The following TRMT2A variants were observed in gnomAD, a reference collection of about 807,000 sequenced individuals.
The protein encoded by TRMT2A is tRNA methyltransferase 2A, also known as tRNA (uracil-5-)-methyltransferase homolog A.
In TRMT2A, 60 loss-of-function variants were observed where a neutral mutation model predicts 59.3. The observed-to-expected ratio is 1.01, with a 90% CI of 0.82 to 1.26. The LOEUF is 1.26. TRMT2A is among the 50% of genes most tolerant of loss of function. The pLI is 0.00. For synonymous variants in TRMT2A, 403 were observed against 353.7 expected (o/e 1.14, Z -1.56); for missense variants, 863 against 845.2 (o/e 1.02, Z -0.26).
rs760901181 is a variant in TRMT2A at position 20,112,553 on chromosome 22, G to C, written c.*10C>G. On this transcript the variant is annotated 3_prime_UTR_variant, in exon 12 of 12. Transcript: ENST00000252136. ...CCCTTCAGCTCCTGTCCCCATAATG[G>C]GTCCTGGGCCTAGGATGAGGGGAAG... 2 of 1,612,224 alleles carry C rather than the reference G, an allele frequency of 1.2e-6. No individual in the cohort carries two copies. The highest frequency in any genetic ancestry group is 1.1e-5 in the South Asian group (1 of 91,044).
intron 7 of TRMT2A, among the ~76,000 whole-genome samples, chr22:20,114,170 C>A (rs577874738): frequency 2.6e-5 from 4 of 152,314 alleles, no homozygotes; most frequent in South Asian, 2.1e-4. Flanking sequence ...CCCACCCCCA[C>A]ACCTAGCCCT....
chr22:20,113,871 A>C, intron 7 of TRMT2A, 63 bp from the exon 8 acceptor site: 1 of 1,455,124 alleles, frequency 6.9e-7, no homozygotes, highest in Non-Finnish European at 9.1e-7. Context: ...TGGTGCCCCG[A>C]CGCCCACATT....
rs1198675728 is a variant in TRMT2A, at chr22:20,114,889, G to A, written c.1006-13C>T. On this transcript the variant is annotated splice_polypyrimidine_tract_variant and intron_variant, in intron 5 of 11. Coordinates refer to ENST00000252136, the MANE Select transcript of TRMT2A (RefSeq NM_022727.6). The stretch of plus-strand genomic sequence containing the variant: ...CAGGGCTCAGCTTCTGGAGTAAGTG[G>A]TGAAAAGTTCCCATCAGGCTGTGCT... The A allele has an allele frequency of 5.7e-6, 9 of 1,579,314 alleles. No homozygotes were observed. Among genetic ancestry groups the A allele is most frequent in the Non-Finnish European group, 7.7e-6 (9 of 1,163,990 alleles).
chr22:20,113,400 T>TCCCCC, intron 9 of TRMT2A, 32 bp downstream of exon 9: 27 of 1,049,422 alleles, frequency 2.6e-5, no homozygotes, highest in Non-Finnish European at 3.7e-5. Context: ...GCTGCCCCCA[T>TCCCCC]CCCCACCCCC....
At position 20,116,115 on chromosome 22, in the gene TRMT2A, A is replaced by AG. The variant is rs771126921; in HGVS notation, c.521dup (p.Leu175SerfsTer8). 6.2e-7 allele frequency: 1 copy of AG among 1,612,256 alleles called. No individual in the cohort carries two copies. Among genetic ancestry groups the AG allele is most frequent in the Admixed American group, 1.7e-5 (1 of 59,970 alleles). On this transcript the variant is annotated frameshift_variant, in exon 2 of 12. Transcript: ENST00000252136. LOFTEE classifies it high-confidence loss of function. ...GCTCAGCATAGGGCACTGTCCATAG[A>AG]GGGGTCACCACGTCGGCCACTCGTG...
chr22:20,116,501 C>T lies in TRMT2A; in HGVS notation c.136G>A (p.Gly46Ser), dbSNP rs771864612. Reference protein sequence around the residue: ...PAALEEVEKEGAGAATGPGPQ... With the variant: ...PAALEEVEKESAGAATGPGPQ... ...CCCGGCCCTGTAGCCGCCCCAGCGC[C>T]CTCTTTCTCCACCTCCTCCAGGGCT... Residue 46 changes from glycine to serine, a missense_variant, in exon 2 of 12, where the codon GGC becomes AGC. Gly to Ser is a moderately conservative substitution (Grantham distance 56, BLOSUM62 0). Coordinates refer to ENST00000252136, the MANE Select transcript of TRMT2A (RefSeq NM_022727.6). 3.7e-6 allele frequency: 6 copies of T among 1,612,648 alleles called. No individual in the cohort carries two copies. The highest frequency in any genetic ancestry group is 5.1e-6 in the Non-Finnish European group (6 of 1,179,948).
chr22:20,113,932 T>G, intron 7 of TRMT2A, 124 bp from the exon 8 acceptor site: 1 of 1,319,460 alleles, frequency 7.6e-7, no homozygotes, highest in Non-Finnish European at 1.0e-6. Flanking sequence ...CCCACCTTGG[T>G]GCCCAACGTC....
At position 20,116,203 on chromosome 22, in the gene TRMT2A, C is replaced by A. The variant is rs775891759; in HGVS notation, c.434G>T (p.Arg145Leu). 4 of 1,613,046 alleles carry A rather than the reference C, an allele frequency of 2.5e-6. No homozygotes were observed. Among genetic ancestry groups the A allele is most frequent in the South Asian group, 1.1e-5 (1 of 91,084 alleles). ...CCTGGCCATGGGGTCGGCCTTGGGCCGGGCCAGGCGCACACTGAGTGGGCG... is the reference window on the plus strand; with the variant it reads ...CCTGGCCATGGGGTCGGCCTTGGGCAGGGCCAGGCGCACACTGAGTGGGCG... ...KGRPLSVRLA[R>L]PKADPMARRR... The change falls in exon 2 of 12, where the codon CGG becomes CTG. Residue 145 changes from arginine to leucine, a missense_variant. Physicochemically the swap from Arg to Leu is moderately radical, Grantham distance 102. Transcript: ENST00000252136.
Position 20,112,330 on chromosome 22 carries a change from C to A in TRMT2A, c.*233G>T, listed in dbSNP as rs1005970721. On this transcript the variant is annotated 3_prime_UTR_variant, in exon 12 of 12. Coordinates refer to ENST00000252136, the MANE Select transcript of TRMT2A (RefSeq NM_022727.6). ...TTGAGCAGTTGTTTATTCTGGCCCT[C>A]ACAGCCTTGGCTAGTCCACAAAGGC... 3.5e-6 allele frequency: 2 copies of A among 575,684 alleles called. No homozygotes were observed. The highest frequency in any genetic ancestry group is 6.1e-6 in the Non-Finnish European group (2 of 326,920). 35.7% of individuals were successfully genotyped at this position (575,684 alleles called of 1,614,324 possible). A position where few individuals can be genotyped will look rare whatever the true frequency, so the allele number is the denominator to read the frequency against.
Position 20,114,993 on chromosome 22 carries a change from G to A in TRMT2A, c.977C>T (p.Ala326Val). ...LTVRTSRRHQ[A>V]MAIAYFHPQK... is the part of the protein sequence containing the mutation. ...GGGGTGGAAGTAGGCAATGGCCATG[G>A]CCTGGTGGCGGCGGCTGGTGCGCAC... is the stretch of plus-strand genomic sequence containing the variant. Residue 326 changes from alanine to valine, a missense_variant, in exon 5 of 12, where the codon GCC (alanine) becomes GTC (valine). Ala to Val is a moderately conservative substitution (Grantham distance 64, BLOSUM62 0). Coordinates refer to ENST00000252136, the MANE Select transcript of TRMT2A (RefSeq NM_022727.6). The A allele has an allele frequency of 6.3e-7, 1 of 1,598,558 alleles. No homozygotes were observed. Among genetic ancestry groups the A allele is most frequent in the Non-Finnish European group, 8.5e-7 (1 of 1,174,288 alleles).
At position 20,114,524 on chromosome 22, in the gene TRMT2A, G is replaced by A. The variant is rs141572185; in HGVS notation, c.1233+50C>T. 3.7e-5 allele frequency: 54 copies of A among 1,469,092 alleles called. No homozygotes were observed. In the East Asian group the frequency reaches 7.2e-4, roughly 20 times the overall value. The allele number at this position is 1,469,092 out of a possible 1,614,324, so 91.0% of individuals were successfully genotyped here. A position where few individuals can be genotyped will look rare whatever the true frequency, so the allele number is the denominator to read the frequency against. On this transcript the variant is annotated intron_variant, in intron 7 of 11. Coordinates refer to ENST00000252136, the MANE Select transcript of TRMT2A (RefSeq NM_022727.6). ...TGTTCCCATCACGTCCTGATGGTGC[G>A]TCAGGCCTCCCTCAACATGTCCCCA... is the stretch of plus-strand genomic sequence containing the variant.
chr22:20,114,510 C>T lies in TRMT2A; in HGVS notation c.1233+64G>A, dbSNP rs147901936. 9,970 of 1,341,680 alleles carry T rather than the reference C, an allele frequency of 7.4e-3. 62 individuals are homozygous for T. The highest frequency in any genetic ancestry group is 8.8e-3 in the Non-Finnish European group (8,204 of 932,506). 83.1% of individuals were successfully genotyped at this position (1,341,680 alleles called of 1,614,324 possible). Reference sequence around the variant, plus strand: ...CCGCCTGAGCCCACTGTTCCCATCACGTCCTGATGGTGCGTCAGGCCTCCC... The same window carrying T: ...CCGCCTGAGCCCACTGTTCCCATCATGTCCTGATGGTGCGTCAGGCCTCCC... On this transcript the variant is annotated intron_variant, in intron 7 of 11. Coordinates refer to ENST00000252136, the MANE Select transcript of TRMT2A (RefSeq NM_022727.6).
chr22:20,117,112 C>T lies in TRMT2A; in HGVS notation c.-206G>A. On this transcript the variant is annotated 5_prime_UTR_variant, in exon 1 of 12. Coordinates refer to ENST00000252136, the MANE Select transcript of TRMT2A (RefSeq NM_022727.6). Reference sequence around the variant, plus strand: ...GGACTCGAACCTGCGATGCTCAGGTCCGGGTCTCAGGCTTGGGGCTGTACC... The same window carrying T: ...GGACTCGAACCTGCGATGCTCAGGTTCGGGTCTCAGGCTTGGGGCTGTACC... 2 of 683,884 alleles carry T rather than the reference C, an allele frequency of 2.9e-6. No homozygotes were observed. The highest frequency in any genetic ancestry group is 4.8e-6 in the Non-Finnish European group (2 of 414,040). 42.4% of individuals were successfully genotyped at this position (683,884 alleles called of 1,614,324 possible).
chr22:20,116,593 C>G lies in TRMT2A; in HGVS notation c.44G>C (p.Ser15Thr), dbSNP rs372566147. ...GGCACTGCTGCTCTCCTGGCCACAG[C>G]TCTCCATGGGCTTCGGGCCCTGTGT... is the stretch of plus-strand genomic sequence containing the variant. ...LDNEGPKPME[S>T]CGQESSSALS... The change falls in exon 2 of 12, where the codon AGC (serine) becomes ACC (threonine). Residue 15 changes from serine to threonine, a missense_variant. Coordinates refer to ENST00000252136, the MANE Select transcript of TRMT2A (RefSeq NM_022727.6). The G allele has an allele frequency of 6.4e-7, 1 of 1,552,052 alleles. No individual in the cohort carries two copies. Among genetic ancestry groups the G allele is most frequent in the African/African-American group, 1.4e-5 (1 of 72,664 alleles).
chr22:20,116,908 G>A lies in TRMT2A; in HGVS notation c.-2C>T. 1 of 1,597,594 alleles carries A rather than the reference G, an allele frequency of 6.3e-7. No individual in the cohort carries two copies. The highest frequency in any genetic ancestry group is 8.5e-7 in the Non-Finnish European group (1 of 1,173,126). ...CTCGTTGTCGAGGTTCTCACTCATC[G>A]CCCAGGCGGTTCTCCGCCTAGACCA... On this transcript the variant is annotated 5_prime_UTR_variant, in exon 1 of 12. Transcript: ENST00000252136.
chr22:20,113,611 T>C (rs2147955563), intron 8 of TRMT2A, 75 bp downstream of exon 8: 7 of 1,600,916 alleles, frequency 4.4e-6, no homozygotes, highest in Non-Finnish European at 6.0e-6. Context: ...GAGTCAGCTG[T>C]GGTGACTTTG....
chr22:20,116,742 A>T, intron 1 of TRMT2A, 130 bp from the exon 2 acceptor site: 1 of 1,360,740 alleles, frequency 7.3e-7, no homozygotes, highest in Non-Finnish European at 1.0e-6. Flanking sequence ...CCCCCAGTCT[A>T]CCCTCCCGAC....
At position 20,112,618 on chromosome 22, in the gene TRMT2A, G is replaced by C; in HGVS notation, c.1823C>G (p.Thr608Arg). The change falls in exon 12 of 12, where the codon ACA becomes AGA. Residue 608 changes from threonine (T) to arginine (R), a missense_variant. Physicochemically the swap from Thr to Arg is moderately conservative, Grantham distance 71. Transcript: ENST00000252136. ...TAGGGTGTTATCTGGGGGTCCTGGTGTGGGTTGAGCTGGAGGGCTGTGGGG... is the reference window on the plus strand; with the variant it reads ...TAGGGTGTTATCTGGGGGTCCTGGTCTGGGTTGAGCTGGAGGGCTGTGGGG... ...LGPHSPPAQP[T>R]PGPPDNTLQE... 1 of 1,614,152 alleles carries C rather than the reference G, an allele frequency of 6.2e-7. No individual in the cohort carries two copies. Among genetic ancestry groups the C allele is most frequent in the Non-Finnish European group, 8.5e-7 (1 of 1,180,044 alleles).
At chr22:20,114,242 G>A (rs2049935282) in intron 7 of TRMT2A, among the ~76,000 whole-genome samples, 2 of 152,136 alleles carry the variant, frequency 1.3e-5, no homozygotes, top group African/African-American at 4.8e-5. Context: ...CAGCCTTCCT[G>A]CAGCAGTGAG....
Sources: allele counts gnomAD v4.1 joint callset (sites outside exome capture counted in the v4.1 genomes callset), GRCh38; gene constraint gnomAD v4.1.1; transcripts MANE v1.5; gene names NCBI Gene and HGNC (gene_info 2026-07-23, HGNC 2026-07-21).